ELFN1: variants seen among roughly 807,000 people sequenced by gnomAD.
The protein encoded by ELFN1 is protein ELFN1.
ELFN1 carries 6 observed loss-of-function variants against 7.6 expected under a neutral mutation model. That is an observed-to-expected ratio of 0.79 (90% confidence interval 0.43 to 1.56). ELFN1 has a LOEUF of 1.56. Ranked by LOEUF, ELFN1 falls within the 40% of genes most tolerant of loss-of-function variation. The pLI is 0.01. For synonymous variants in ELFN1, 657 were observed against 588.1 expected (o/e 1.12, Z -1.70); for missense variants, 1,169 against 1,232.2 (o/e 0.95, Z 0.77).
At chr7:1,693,785 C>T (rs1251188096) in intron 2 of ELFN1, 2 of 470,676 alleles carry the variant, frequency 4.2e-6, no homozygotes, top group Non-Finnish European at 8.8e-6. Flanking sequence ...TGCTGACAGA[C>T]ACGGGGTGCG....
At chr7:1,668,037 C>T (rs1483703069), upstream of ELFN1, among the ~76,000 whole-genome samples, 3 of 152,154 alleles carry the variant, frequency 2.0e-5, no homozygotes, top group Admixed American at 6.5e-5. Context: ...GCCGTCCCCT[C>T]CCCCAGCTCC....
rs190450904 is a variant in ELFN1 at position 1,705,459 on chromosome 7, A to T, written c.-455-3632A>T. On this transcript the variant is annotated intron_variant, in intron 2 of 3. Transcript: ENST00000424383. This position sits in a 1 kb window ranked among gnomAD's most constrained non-coding sequence, Gnocchi z 4.3. Reference sequence around the variant, plus strand: ...GAAGGAGGAGGAGGAGCTCCCCCCAACCGCCAGGGTGCCAGGGGAGTGAGT... The same window carrying T: ...GAAGGAGGAGGAGGAGCTCCCCCCATCCGCCAGGGTGCCAGGGGAGTGAGT... Among the ~76,000 whole-genome samples the T allele has an allele frequency of 9.9e-4, 150 of 152,276 alleles. No individual in the cohort carries two copies. The highest frequency in any genetic ancestry group is 3.5e-3 in the African/African-American group (144 of 41,570).
At chr7:1,743,155 G>A (rs759554440) in intron 3 of ELFN1, among the ~76,000 whole-genome samples, 5 of 152,158 alleles carry the variant, frequency 3.3e-5, no homozygotes, top group Non-Finnish European at 5.9e-5. Context: ...CTCCAGCCCC[G>A]TCTGCAGGGT....
At chr7:1,690,964 A>C (rs1196413703) in intron 2 of ELFN1, among the ~76,000 whole-genome samples, 1 of 152,206 alleles carries the variant, frequency 6.6e-6, no homozygotes, top group African/African-American at 2.4e-5. Context: ...TGGATGATAC[A>C]TACAGAGACC....
intron 2 of ELFN1, among the ~76,000 whole-genome samples, chr7:1,700,450 T>TTTGCATAC (rs1170344851): frequency 6.6e-6 from 1 of 152,240 alleles, no homozygotes; most frequent in Non-Finnish European, 1.5e-5. Context: ...AAATGAAATC[T>TTTGCATAC]TTGCATACTT....
chr7:1,729,716 C>T (rs115351876), intron 3 of ELFN1, among the ~76,000 whole-genome samples: 1,730 of 152,302 alleles, frequency 0.011, 23 homozygotes, highest in African/African-American at 0.038. Flanking sequence ...GAGGTAGAGA[C>T]GCAGCTGTCT....
In ELFN1 at chr7:1,747,157, A is replaced by G; in HGVS notation, c.*74A>G. On this transcript the variant is annotated 3_prime_UTR_variant, in exon 4 of 4. Transcript: ENST00000424383. ...CACCCAGAGACTCAGCACCAAACCCAACACACGCACGCCACCACAGCAACT... is the reference window on the plus strand; with the variant it reads ...CACCCAGAGACTCAGCACCAAACCCGACACACGCACGCCACCACAGCAACT... The G allele has an allele frequency of 7.3e-7, 1 of 1,376,038 alleles. No individual in the cohort carries two copies. Among genetic ancestry groups the G allele is most frequent in the Non-Finnish European group, 9.5e-7 (1 of 1,052,434 alleles). The allele number at this position is 1,376,038 out of a possible 1,614,324, so 85.2% of individuals were successfully genotyped here.
intron 3 of ELFN1, among the ~76,000 whole-genome samples, chr7:1,711,449 G>C (rs2128588322): frequency 6.6e-6 from 1 of 152,232 alleles, no homozygotes; most frequent in Admixed American, 6.5e-5. Context: ...GGGAGTGTGG[G>C]AAGAGGAGGA....
intron 1 of ELFN1, among the ~76,000 whole-genome samples, chr7:1,671,079 A>G (rs1052487374): frequency 6.6e-6 from 1 of 151,434 alleles, no homozygotes; most frequent in Non-Finnish European, 1.5e-5. Context: ...CTCTAAAGAC[A>G]AGCGCCCCCA....
At chr7:1,703,016 C>T (rs376627155) in intron 2 of ELFN1, among the ~76,000 whole-genome samples, 79 of 152,310 alleles carry the variant, frequency 5.2e-4, no homozygotes, top group South Asian at 4.1e-3. Flanking sequence ...TCACCACAAC[C>T]GTGCCAGCAC....
rs763795538 is a variant in ELFN1, at chr7:1,746,267, C to T, written c.1671C>T (p.Thr557=). Reference sequence around the variant, plus strand: ...AGAGTTCGGTGGCCGAGATCTCCACCATCGCCAAGGAGGTGGACAAGGTCA... The same window carrying T: ...AGAGTTCGGTGGCCGAGATCTCCACTATCGCCAAGGAGGTGGACAAGGTCA... The part of the protein sequence containing the change: ...DSQSSVAEIS[T]IAKEVDKVNQ... The change falls in exon 4 of 4, where the codon ACC becomes ACT. Residue 557 remains threonine (T), a synonymous_variant. Transcript: ENST00000424383. 6.3e-7 allele frequency: 1 copy of T among 1,595,932 alleles called. No homozygotes were observed. Among genetic ancestry groups the T allele is most frequent in the Admixed American group, 1.7e-5 (1 of 57,782 alleles).
chr7:1,714,001 C>T (rs536273635), intron 3 of ELFN1, among the ~76,000 whole-genome samples: 5 of 152,168 alleles, frequency 3.3e-5, no homozygotes, highest in Non-Finnish European at 7.3e-5. Flanking sequence ...GCAAACAGCA[C>T]GAGCTAATCA....
chr7:1,719,240 CAG>C (rs1779936633), intron 3 of ELFN1, among the ~76,000 whole-genome samples: 1 of 146,944 alleles, frequency 6.8e-6, no homozygotes, highest in Non-Finnish European at 1.5e-5. Flanking sequence ...AAGCCACCAA[CAG>C]GGCCCCGCCC....
upstream of ELFN1, among the ~76,000 whole-genome samples, chr7:1,666,286 G>C (rs1023444723): frequency 2.6e-5 from 4 of 152,036 alleles, no homozygotes; most frequent in African/African-American, 9.6e-5. The surrounding 1 kb of genome is among the most constrained non-coding windows in gnomAD (Gnocchi z 7.9). Context: ...ATGCTCTCTG[G>C]GGGGGGCGGC....
At chr7:1,715,906 C>T (rs778606891) in intron 3 of ELFN1, among the ~76,000 whole-genome samples, 23 of 152,186 alleles carry the variant, frequency 1.5e-4, no homozygotes, top group Non-Finnish European at 2.9e-4. Flanking sequence ...CCTTCATAGA[C>T]CCTACCCCCG....
upstream of ELFN1, among the ~76,000 whole-genome samples, chr7:1,669,118 C>T (rs1778713896): frequency 6.6e-6 from 1 of 152,266 alleles, no homozygotes; most frequent in African/African-American, 2.4e-5. Flanking sequence ...GTGTCAGGCC[C>T]TGCAGCCGGG....
At chr7:1,728,048 C>T (rs1780243619) in intron 3 of ELFN1, among the ~76,000 whole-genome samples, 1 of 152,194 alleles carries the variant, frequency 6.6e-6, no homozygotes, top group South Asian at 2.1e-4. Flanking sequence ...GTTTTCTGTC[C>T]AGAGCCATTG....
At chr7:1,703,806 C>T (rs1779476012) in intron 2 of ELFN1, among the ~76,000 whole-genome samples, 1 of 152,190 alleles carries the variant, frequency 6.6e-6, no homozygotes, top group South Asian at 2.1e-4. Context: ...TTAGCTACAT[C>T]CAGTGTAACC....
At chr7:1,725,388 C>T (rs1415342414) in intron 3 of ELFN1, among the ~76,000 whole-genome samples, 4 of 140,542 alleles carry the variant, frequency 2.8e-5, no homozygotes, top group Admixed American at 2.1e-4. Flanking sequence ...CAGGCGAGGC[C>T]GGTGACAGGT....
Sources: allele counts gnomAD v4.1 joint callset (sites outside exome capture counted in the v4.1 genomes callset), GRCh38; gene constraint gnomAD v4.1.1; non-coding constraint Gnocchi (gnomAD v3.1); transcripts MANE v1.5; gene names NCBI Gene and HGNC (gene_info 2026-07-23, HGNC 2026-07-21).